The following ANKDD1B variants were observed in gnomAD, a reference collection of about 807,000 sequenced individuals.
ANKDD1B encodes ankyrin repeat and death domain containing 1B.
ANKDD1B carries 57 observed loss-of-function variants against 59.7 expected under a neutral mutation model. The observed-to-expected ratio is 0.95, with a 90% confidence interval of 0.77 to 1.19. The LOEUF (loss-of-function observed/expected upper bound fraction) is 1.19, where lower values mean the gene tolerates loss of function less well. Ranked by LOEUF, ANKDD1B falls within the 50% of genes most tolerant of loss-of-function variation. ANKDD1B has a pLI of 0.00. For synonymous variants in ANKDD1B, 216 were observed against 239.5 expected, an observed-to-expected ratio of 0.90 and a Z score of 0.91; for missense variants, 602 against 641.9, an observed-to-expected ratio of 0.94 and a Z score of 0.67.
intron 11 of ANKDD1B, among the ~76,000 whole-genome samples, chr5:75,665,434 C>A (rs539802382): frequency 6.6e-6 from 1 of 152,276 alleles, no homozygotes; most frequent in South Asian, 2.1e-4. Context: ...ATCATTGTTT[C>A]AGGAGATGGA....
In ANKDD1B at chr5:75,611,593, A is replaced by AGTCTGG; in HGVS notation, c.-35_-30dup. On this transcript the variant is annotated 5_prime_UTR_variant, in exon 1 of 14. Coordinates refer to ENST00000601380, the MANE Select transcript of ANKDD1B (RefSeq NM_001276713.2). ...GAGTCTGGGTCTGGATCTGGGTCCG[A>AGTCTGG]GTCTGGGTCTGGCCCTGCGCTCAGG... is the stretch of plus-strand genomic sequence containing the variant. 1 of 1,171,182 alleles carries AGTCTGG rather than the reference A, an allele frequency of 8.5e-7. No individual in the cohort carries two copies. Among genetic ancestry groups the AGTCTGG allele is most frequent in the Non-Finnish European group, 1.1e-6 (1 of 938,672 alleles). The allele number at this position is 1,171,182 out of a possible 1,614,324, so 72.5% of individuals were successfully genotyped here.
intron 5 of ANKDD1B, among the ~76,000 whole-genome samples, chr5:75,627,055 C>G (rs760969866): frequency 9.9e-5 from 15 of 152,122 alleles, no homozygotes; most frequent in Non-Finnish European, 1.5e-4. Flanking sequence ...CAAATTAGGT[C>G]TATAAACTTC....
At chr5:75,631,255 A>G (rs1774147728) in intron 5 of ANKDD1B, among the ~76,000 whole-genome samples, 1 of 152,240 alleles carries the variant, frequency 6.6e-6, no homozygotes, top group African/African-American at 2.4e-5. Context: ...ATAAAGAGCT[A>G]ACAAAAGCAC....
rs1419054528 is a variant in ANKDD1B, at chr5:75,635,815, AG to A, written c.732del (p.Lys244AsnfsTer12). On this transcript the variant is annotated frameshift_variant, in exon 7 of 14. Transcript: ENST00000601380. LOFTEE classifies it high-confidence loss of function. ...AACACTGCCTTGCACCTCGCTGCGAAGCATGGTCACAGTCCTGCAGTGCAGG... is the reference window on the plus strand; with the variant it reads ...AACACTGCCTTGCACCTCGCTGCGAACATGGTCACAGTCCTGCAGTGCAGG... ...GGNTALHLAA[K>X]HGHSPAVQVL... 6.5e-7 allele frequency: 1 copy of A among 1,533,570 alleles called. No individual in the cohort carries two copies. Among genetic ancestry groups the A allele is most frequent in the Admixed American group, 2.0e-5 (1 of 50,896 alleles). 95.0% of individuals were successfully genotyped at this position (1,533,570 alleles called of 1,614,324 possible).
intron 1 of ANKDD1B, among the ~76,000 whole-genome samples, chr5:75,614,375 A>G (rs767577989): frequency 5.3e-5 from 8 of 152,214 alleles, no homozygotes; most frequent in Non-Finnish European, 8.8e-5. Flanking sequence ...CAAGGCTGCA[A>G]GCAAACCTGC....
chr5:75,614,329 A>C (rs1387096628), intron 1 of ANKDD1B, among the ~76,000 whole-genome samples: 1 of 152,210 alleles, frequency 6.6e-6, no homozygotes, highest in Non-Finnish European at 1.5e-5. Flanking sequence ...AATCTTTTGT[A>C]ATAGTCAGTA....
rs181773380 is a variant in ANKDD1B, at chr5:75,654,387, T to G, written c.897+1147T>G. Among the ~76,000 whole-genome samples, 482 of 152,348 alleles carry G rather than the reference T, an allele frequency of 3.2e-3. 2 individuals are homozygous for G. The highest frequency in any genetic ancestry group is 0.011 in the African/African-American group (473 of 41,584). On this transcript the variant is annotated intron_variant, in intron 8 of 13. Coordinates refer to ENST00000601380, the MANE Select transcript of ANKDD1B (RefSeq NM_001276713.2). ...ACTGATCCTCTTTGTGTCTCATGTA[T>G]GAAGTGGGGAATATGAGATCAAATG...
At chr5:75,623,538 T>G (rs754887094) in intron 3 of ANKDD1B, among the ~76,000 whole-genome samples, 11 of 152,094 alleles carry the variant, frequency 7.2e-5, no homozygotes, top group Admixed American at 6.5e-5. Flanking sequence ...AAATGAAGAG[T>G]CTTCTTCATG....
chr5:75,665,453 A>G (rs1329733967), intron 11 of ANKDD1B, among the ~76,000 whole-genome samples: 1 of 152,120 alleles, frequency 6.6e-6, no homozygotes, highest in Non-Finnish European at 1.5e-5. Context: ...GAATGAGGAG[A>G]GAAGGACAAA....
chr5:75,622,743 C>T (rs565500833), intron 3 of ANKDD1B, among the ~76,000 whole-genome samples: 11 of 152,296 alleles, frequency 7.2e-5, no homozygotes, highest in African/African-American at 1.2e-4. Flanking sequence ...TACAGAGCTT[C>T]GTGAGCCAAC....
intron 11 of ANKDD1B, among the ~76,000 whole-genome samples, chr5:75,664,933 A>G (rs1775267226): frequency 6.6e-6 from 1 of 152,164 alleles, no homozygotes; most frequent in South Asian, 2.1e-4. Flanking sequence ...AACCAAATGC[A>G]TTTATTATTT....
chr5:75,656,440 C>T (rs1033419252), intron 9 of ANKDD1B, among the ~76,000 whole-genome samples: 2 of 152,162 alleles, frequency 1.3e-5, no homozygotes, highest in Admixed American at 1.3e-4. Flanking sequence ...AATCAAAAGC[C>T]ACTCCCCCAG....
chr5:75,661,273 T>C (rs1265504783), intron 10 of ANKDD1B, among the ~76,000 whole-genome samples: 1 of 151,396 alleles, frequency 6.6e-6, no homozygotes, highest in Non-Finnish European at 1.5e-5. Flanking sequence ...GATGCGCAAC[T>C]GTAATCCCAG....
chr5:75,653,057 TA>T (rs1774870642), intron 7 of ANKDD1B, 84 bp from the exon 8 acceptor site: 1 of 906,318 alleles, frequency 1.1e-6, no homozygotes, highest in African/African-American at 1.6e-5. Flanking sequence ...TTCATTGTAT[TA>T]ACTGATTACC....
Position 75,669,322 on chromosome 5 carries a change from G to A in ANKDD1B, c.1464G>A (p.Gln488=). 1 of 1,232,140 alleles carries A rather than the reference G, an allele frequency of 8.1e-7. No individual in the cohort carries two copies. Among genetic ancestry groups the A allele is most frequent in the Non-Finnish European group, 1.0e-6 (1 of 987,938 alleles). 76.3% of individuals were successfully genotyped at this position (1,232,140 alleles called of 1,614,324 possible). ...LIWLHGTLMT[Q]GDPAKQLYEE... The stretch of plus-strand genomic sequence containing the variant: ...GGCTACACGGGACCCTGATGACTCA[G>A]GGTGACCCGGCCAAGCAACTGTATG... The change falls in exon 13 of 14, where the codon CAG becomes CAA. Residue 488 remains glutamine (Q), a synonymous_variant. Coordinates refer to ENST00000601380, the MANE Select transcript of ANKDD1B (RefSeq NM_001276713.2).
At chr5:75,624,988 T>C (rs991075755) in intron 3 of ANKDD1B, among the ~76,000 whole-genome samples, 1 of 152,200 alleles carries the variant, frequency 6.6e-6, no homozygotes, top group Non-Finnish European at 1.5e-5. Context: ...TTCCATAACT[T>C]ATTTAGCATT....
intron 2 of ANKDD1B, among the ~76,000 whole-genome samples, chr5:75,618,791 G>T (rs1216434967): frequency 1.3e-5 from 2 of 152,152 alleles, no homozygotes; most frequent in Non-Finnish European, 2.9e-5. Context: ...TGTCACCGAG[G>T]CTGGAGTGCA....
intron 7 of ANKDD1B, among the ~76,000 whole-genome samples, chr5:75,642,319 A>G (rs1043466358): frequency 6.6e-6 from 1 of 151,894 alleles, no homozygotes; most frequent in Non-Finnish European, 1.5e-5. Flanking sequence ...TGATTTCTGC[A>G]TTTCCATCTG....
chr5:75,611,856 T>C, intron 1 of ANKDD1B, 29 bp downstream of exon 1: 2 of 1,231,084 alleles, frequency 1.6e-6, no homozygotes, highest in South Asian at 4.1e-5. Flanking sequence ...TCTCAGAAAA[T>C]CAGGCTGCGG....
Sources: gnomAD v4.1 joint callset for allele counts (sites outside exome capture counted in the v4.1 genomes callset) on GRCh38, gnomAD v4.1.1 for gene constraint, MANE v1.5 for transcripts, NCBI Gene and HGNC (gene_info 2026-07-23, HGNC 2026-07-21) for gene names.